Variants in PDZRN3 observed in about 807,000 individuals in gnomAD.
PDZRN3 encodes E3 ubiquitin-protein ligase PDZRN3.
A neutral mutation model predicts 85.7 loss-of-function variants in PDZRN3; 38 were observed. The ratio of observed to expected loss-of-function variants is 0.44; its 90% CI spans 0.34 to 0.58. PDZRN3 has a LOEUF of 0.58. Among genes scored for constraint, PDZRN3 ranks in the 20% least tolerant of loss-of-function variants. PDZRN3 has a pLI of 0.01. For missense variants in PDZRN3, 1,629 were observed against 1,506.4 expected, an observed-to-expected ratio of 1.08 and a Z score of -1.35; for synonymous variants, 759 against 638.0, an observed-to-expected ratio of 1.19 and a Z score of -2.86.
intron 3 of PDZRN3, among the ~76,000 whole-genome samples, chr3:73,480,768 T>G (rs1385857174): frequency 6.6e-6 from 1 of 152,228 alleles, no homozygotes; most frequent in Non-Finnish European, 1.5e-5. Flanking sequence ...AGATGATATA[T>G]CTGTCTAAAG....
intron 3 of PDZRN3, among the ~76,000 whole-genome samples, chr3:73,535,641 T>A (rs894310180): frequency 6.6e-6 from 1 of 152,242 alleles, no homozygotes; most frequent in Non-Finnish European, 1.5e-5. Context: ...ACAGTTCACA[T>A]GGACTGACTA....
intron 3 of PDZRN3, chr3:73,569,082 C>T (rs1292793776): frequency 1.1e-6 from 1 of 939,930 alleles, no homozygotes; most frequent in Non-Finnish European, 1.5e-6. Flanking sequence ...AAAGTATGTG[C>T]TGCAGCTGAA....
chr3:73,493,899 C>T (rs1703821574), intron 3 of PDZRN3, among the ~76,000 whole-genome samples: 1 of 152,204 alleles, frequency 6.6e-6, no homozygotes, highest in African/African-American at 2.4e-5. Context: ...CTAGGGGCCA[C>T]TTTCACCATG....
At position 73,403,138 on chromosome 3, in the gene PDZRN3, G is replaced by C. The variant is rs1575625734; in HGVS notation, c.1166+1010C>G. Among the ~76,000 whole-genome samples the C allele has an allele frequency of 3.3e-5, 5 of 152,158 alleles. No homozygotes were observed. In the South Asian group the frequency reaches 1.0e-3, roughly 32 times the overall value. On this transcript the variant is annotated intron_variant, in intron 4 of 9. Transcript: ENST00000263666. Reference sequence around the variant, plus strand: ...GTTTTTTGTATTTTTAGTAGAGACGGGGTTTCACCGTGTTAACCAGGATGG... The same window carrying C: ...GTTTTTTGTATTTTTAGTAGAGACGCGGTTTCACCGTGTTAACCAGGATGG...
At chr3:73,615,417 T>C (rs1253574790) in intron 1 of PDZRN3, among the ~76,000 whole-genome samples, 2 of 152,224 alleles carry the variant, frequency 1.3e-5, no homozygotes, top group African/African-American at 4.8e-5. Context: ...TTCCACTTAC[T>C]TATGGGGTGT....
intron 3 of PDZRN3, among the ~76,000 whole-genome samples, chr3:73,448,176 C>T (rs1046384556): frequency 6.6e-6 from 1 of 152,180 alleles, no homozygotes; most frequent in Non-Finnish European, 1.5e-5. Context: ...GATCAGACTG[C>T]CTAATTTCAA....
Position 73,384,369 on chromosome 3 carries a change from T to G in PDZRN3, c.2197A>C (p.Ile733Leu). 6.2e-7 allele frequency: 1 copy of G among 1,609,584 alleles called. No homozygotes were observed. The highest frequency in any genetic ancestry group is 1.3e-5 in the African/African-American group (1 of 75,056). Reference protein sequence around the residue: ...NSGFRNYNTSIDVRRHELSDI... With the variant: ...NSGFRNYNTSLDVRRHELSDI... Reference sequence around the variant, plus strand: ...GAGAGCTCGTGTCTGCGCACGTCGATGCTGGTGTTGTAGTTGCGGAAGCCG... The same window carrying G: ...GAGAGCTCGTGTCTGCGCACGTCGAGGCTGGTGTTGTAGTTGCGGAAGCCG... Residue 733 changes from isoleucine to leucine, a missense_variant, in exon 10 of 10, where the codon ATC (isoleucine) becomes CTC (leucine). Coordinates refer to ENST00000263666, the MANE Select transcript of PDZRN3 (RefSeq NM_015009.3).
intron 3 of PDZRN3, among the ~76,000 whole-genome samples, chr3:73,589,351 T>C (rs1302343754): frequency 6.6e-6 from 1 of 152,254 alleles, no homozygotes; most frequent in Non-Finnish European, 1.5e-5. Context: ...CAAATGGCTC[T>C]TATTACTGAA....
At chr3:73,473,103 C>T (rs1175191282) in intron 3 of PDZRN3, among the ~76,000 whole-genome samples, 5 of 152,210 alleles carry the variant, frequency 3.3e-5, no homozygotes, top group Admixed American at 3.3e-4. Flanking sequence ...AGGAGTGTAA[C>T]AGATAGAGAT....
intron 3 of PDZRN3, chr3:73,569,374 G>T (rs1480188449): frequency 1.7e-6 from 2 of 1,200,350 alleles, no homozygotes; most frequent in Non-Finnish European, 2.1e-6. Context: ...TGGGAGGGAG[G>T]GGGCCACATG....
intron 3 of PDZRN3, among the ~76,000 whole-genome samples, chr3:73,412,243 G>A (rs1014783763): frequency 2.6e-5 from 4 of 152,154 alleles, no homozygotes; most frequent in African/African-American, 4.8e-5. Context: ...TATGAAGGCC[G>A]CTTTATTATG....
chr3:73,471,106 C>A (rs1199417956), intron 3 of PDZRN3, among the ~76,000 whole-genome samples: 1 of 152,030 alleles, frequency 6.6e-6, no homozygotes, highest in Non-Finnish European at 1.5e-5. Context: ...AAAATGAGGT[C>A]ATTAAGGGTT....
intron 3 of PDZRN3, among the ~76,000 whole-genome samples, chr3:73,425,418 T>C (rs1559672832): frequency 5.3e-5 from 8 of 152,090 alleles, no homozygotes; most frequent in Admixed American, 5.2e-4. Flanking sequence ...GGGTAAAGTG[T>C]GGCGCACAGT....
At chr3:73,553,300 G>A (rs187190211) in intron 3 of PDZRN3, among the ~76,000 whole-genome samples, 212 of 152,248 alleles carry the variant, frequency 1.4e-3, no homozygotes, top group African/African-American at 3.8e-3. Flanking sequence ...TCGGCCAGGT[G>A]TGGTGGCTCA....
chr3:73,490,800 G>T lies in PDZRN3; in HGVS notation c.919-86405C>A, dbSNP rs531014097. On this transcript the variant is annotated intron_variant, in intron 3 of 9. Coordinates refer to ENST00000263666, the MANE Select transcript of PDZRN3 (RefSeq NM_015009.3). Reference sequence around the variant, plus strand: ...CTCCTGAGTAAGGAATGCAGGCAGTGGCTACCGCTCCCTGTATCCCTGAAC... The same window carrying T: ...CTCCTGAGTAAGGAATGCAGGCAGTTGCTACCGCTCCCTGTATCCCTGAAC... Among the ~76,000 whole-genome samples, 19 of 152,302 alleles carry T rather than the reference G, an allele frequency of 1.2e-4. No individual in the cohort carries two copies. The South Asian group carries it at 3.9e-3, about 32-fold the overall frequency.
intron 3 of PDZRN3, among the ~76,000 whole-genome samples, chr3:73,577,907 C>T (rs1702148092): frequency 6.6e-6 from 1 of 152,194 alleles, no homozygotes; most frequent in African/African-American, 2.4e-5. Context: ...GGAAGACACA[C>T]CTGTTTGTTT....
chr3:73,413,114 A>C (rs1702005888), intron 3 of PDZRN3, among the ~76,000 whole-genome samples: 1 of 152,214 alleles, frequency 6.6e-6, no homozygotes, highest in African/African-American at 2.4e-5. Context: ...AGCTGTTGTT[A>C]TAACTGTCAC....
chr3:73,462,542 CAAAAAAAAA>C (rs1167584471), intron 3 of PDZRN3, among the ~76,000 whole-genome samples: 1 of 93,460 alleles, frequency 1.1e-5, no homozygotes, highest in Non-Finnish European at 1.9e-5. Flanking sequence ...GACTCCGTCT[CAAAAAAAAA>C]AAAAAAAAAA....
At chr3:73,504,708 G>A (rs535795186) in intron 3 of PDZRN3, among the ~76,000 whole-genome samples, 33 of 152,244 alleles carry the variant, frequency 2.2e-4, no homozygotes, top group African/African-American at 7.9e-4. Flanking sequence ...ACACCTCCCT[G>A]CAACCACAAG....
Sources: allele counts gnomAD v4.1 joint callset (sites outside exome capture counted in the v4.1 genomes callset), GRCh38; gene constraint gnomAD v4.1.1; transcripts MANE v1.5; gene names NCBI Gene and HGNC (gene_info 2026-07-23, HGNC 2026-07-21).